NRG1: variants seen among roughly 807,000 people sequenced by gnomAD.
The protein encoded by NRG1 is pro-neuregulin-1, membrane-bound isoform.
Under a neutral mutation model 63.8 loss-of-function variants are expected in NRG1, and 18 were observed. The ratio of observed to expected loss-of-function variants is 0.28; its 90% CI spans 0.19 to 0.42. NRG1 has a LOEUF of 0.42. Ranked by LOEUF, NRG1 falls within the 10% of genes least tolerant of loss-of-function variation. The pLI is 1.00. For synonymous variants in NRG1, 302 were observed against 301.3 expected, an observed-to-expected ratio of 1.00 and a Z score of -0.02; for missense variants, 762 against 814.7, an observed-to-expected ratio of 0.94 and a Z score of 0.79.
chr8:32,156,742 G>T (rs533637088), intron 1 of NRG1, among the ~76,000 whole-genome samples: 188 of 152,260 alleles, frequency 1.2e-3, no homozygotes, highest in African/African-American at 4.5e-3. Context: ...GCCCAGGAGT[G>T]CCTGGCTAAC....
intron 1 of NRG1, among the ~76,000 whole-genome samples, chr8:32,277,129 C>T (rs1247304744): frequency 6.6e-6 from 1 of 152,202 alleles, no homozygotes; most frequent in Non-Finnish European, 1.5e-5. Flanking sequence ...GAAGTCATTG[C>T]CTCCTGCCAT....
chr8:32,020,984 T>C (rs1816341881), intron 1 of NRG1, among the ~76,000 whole-genome samples: 1 of 152,246 alleles, frequency 6.6e-6, no homozygotes, highest in South Asian at 2.1e-4. Context: ...ACTAGCATAA[T>C]GCCTTGTCTC....
intron 1 of NRG1, among the ~76,000 whole-genome samples, chr8:31,704,830 T>TA (rs373101607): frequency 6.1e-4 from 72 of 118,794 alleles, no homozygotes; most frequent in Admixed American, 1.0e-3. Context: ...AGACTCCGTC[T>TA]AAAAAAAAAA....
chr8:31,883,929 C>T (rs1365254798), intron 1 of NRG1, among the ~76,000 whole-genome samples: 2 of 152,038 alleles, frequency 1.3e-5, no homozygotes, highest in East Asian at 3.9e-4. Context: ...AATATTCTCC[C>T]ACAGGCATAT....
intron 5 of NRG1, among the ~76,000 whole-genome samples, chr8:32,707,760 A>T (rs1816793163): frequency 6.6e-6 from 1 of 151,966 alleles, no homozygotes; most frequent in Admixed American, 6.6e-5. Flanking sequence ...ACTTAAAAAA[A>T]TTAAATTACT....
At chr8:32,184,139 T>G (rs1238065844) in intron 1 of NRG1, among the ~76,000 whole-genome samples, 4 of 152,014 alleles carry the variant, frequency 2.6e-5, no homozygotes, top group Admixed American at 6.6e-5. Context: ...ATGATATATA[T>G]AGATATATAG....
chr8:32,685,216 G>C (rs935130673), intron 5 of NRG1, among the ~76,000 whole-genome samples: 1 of 152,106 alleles, frequency 6.6e-6, no homozygotes, highest in African/African-American at 2.4e-5. Flanking sequence ...GGATTTATAG[G>C]AAAAATGATT....
At chr8:32,722,140 AT>A in intron 5 of NRG1, 1 of 1,010,364 alleles carries the variant, frequency 9.9e-7, no homozygotes, top group Non-Finnish European at 1.4e-6. Context: ...GCGTAGAGTT[AT>A]TTGGTTTAAT....
intron 1 of NRG1, among the ~76,000 whole-genome samples, chr8:31,893,262 C>G (rs564195744): frequency 1.3e-5 from 2 of 151,028 alleles, no homozygotes; most frequent in Non-Finnish European, 3.0e-5. Flanking sequence ...AAACAATAAA[C>G]TTAGACCATT....
intron 1 of NRG1, among the ~76,000 whole-genome samples, chr8:31,847,456 C>T (rs1350224433): frequency 6.6e-6 from 1 of 152,202 alleles, no homozygotes; most frequent in East Asian, 1.9e-4. Flanking sequence ...CTTCTGCCCT[C>T]ATGAAGCTTA....
chr8:32,454,943 T>G (rs1196632716), intron 1 of NRG1, among the ~76,000 whole-genome samples: 1 of 152,222 alleles, frequency 6.6e-6, no homozygotes, highest in Admixed American at 6.5e-5. Context: ...TAAGTTTAGA[T>G]GTATAAATAC....
At position 31,921,066 on chromosome 8, in the gene NRG1, G is replaced by C. The variant is rs369873787; in HGVS notation, c.37+281635G>C. ...AGGTTAATTTTTAGATAGTTACTAAGAAATCAAACTGTGTGGAATTTTCTG... is the reference window on the plus strand; with the variant it reads ...AGGTTAATTTTTAGATAGTTACTAACAAATCAAACTGTGTGGAATTTTCTG... On this transcript the variant is annotated intron_variant, in intron 1 of 10. Coordinates refer to the NRG1 transcript ENST00000519301. Among the ~76,000 whole-genome samples the C allele has an allele frequency of 3.3e-5, 5 of 152,192 alleles. No homozygotes were observed. In the South Asian group the frequency reaches 6.2e-4, roughly 19 times the overall value.
At chr8:32,510,955 CTTTTT>C (rs60629097) in intron 1 of NRG1, among the ~76,000 whole-genome samples, 1 of 125,614 alleles carries the variant, frequency 8.0e-6, no homozygotes, top group African/African-American at 3.0e-5. Flanking sequence ...TCTTTCTTTC[CTTTTT>C]TTTTTTTTTT....
chr8:32,449,270 C>T lies in NRG1; in HGVS notation c.38-146558C>T, dbSNP rs143917811. On this transcript the variant is annotated intron_variant, in intron 1 of 10. Coordinates refer to the NRG1 transcript ENST00000519301. Reference sequence around the variant, plus strand: ...TGTGAGTGCACCACCATACTCTAGCCTGGGCAACAGAGCAAGACCTTGTCT... The same window carrying T: ...TGTGAGTGCACCACCATACTCTAGCTTGGGCAACAGAGCAAGACCTTGTCT... Among the ~76,000 whole-genome samples, 533 of 152,032 alleles carry T rather than the reference C, an allele frequency of 3.5e-3. 2 individuals are homozygous for T. Among genetic ancestry groups the T allele is most frequent in the African/African-American group, 0.012 (509 of 41,488 alleles).
At position 32,567,031 on chromosome 8, in the gene NRG1, CG is replaced by C. The variant is rs1837578714; in HGVS notation, c.100+18209del. Among the ~76,000 whole-genome samples, 6 of 152,156 alleles carry C rather than the reference CG, an allele frequency of 3.9e-5. No homozygotes were observed. The South Asian group carries it at 1.2e-3, about 32-fold the overall frequency. On this transcript the variant is annotated intron_variant, in intron 1 of 11. Transcript: ENST00000356819. ...CTAATTTTTGTATTTTTCGTAGAGA[CG>C]GGGTTTCACCATATTGGCCAGGCTG...
At position 32,330,715 on chromosome 8, in the gene NRG1, G is replaced by A. The variant is rs186818693; in HGVS notation, c.38-265113G>A. 3.3e-3 allele frequency among the ~76,000 whole-genome samples: 496 copies of A among 152,288 alleles called. 6 individuals are homozygous for A. The highest frequency in any genetic ancestry group is 0.011 in the African/African-American group (476 of 41,564). On this transcript the variant is annotated intron_variant, in intron 1 of 10. Transcript: ENST00000519301. ...TAGGAAGCTAGTGAGCTATGAGTTG[G>A]CATCAGGCAACATTTCCAGCAATTT...
chr8:32,742,875 G>T lies in NRG1; in HGVS notation c.691+142G>T. The T allele has an allele frequency of 2.6e-6, 4 of 1,558,546 alleles. No homozygotes were observed. Among genetic ancestry groups the T allele is most frequent in the Middle Eastern group, 1.7e-4 (1 of 5,782 alleles). ...CTAATATTGACTGCCTCTGCCTGTC[G>T]CATGAGAACATTAACAAAAGCAATT... On this transcript the variant is annotated intron_variant, in intron 7 of 11. Transcript: ENST00000356819. The surrounding 1 kb of genome is among the most constrained non-coding windows in gnomAD (Gnocchi z 4.2).
intron 1 of NRG1, among the ~76,000 whole-genome samples, chr8:32,347,846 T>A (rs1003020065): frequency 2.0e-5 from 3 of 152,182 alleles, no homozygotes; most frequent in African/African-American, 7.2e-5. Context: ...GACTACAAAC[T>A]TGTTTTTAAA....
intron 1 of NRG1, among the ~76,000 whole-genome samples, chr8:32,345,317 A>C (rs1453664701): frequency 6.6e-6 from 1 of 152,026 alleles, no homozygotes; most frequent in Non-Finnish European, 1.5e-5. Flanking sequence ...TGTTGTCTGG[A>C]AGCTAACTAT....
Sources: allele counts gnomAD v4.1 joint callset (sites outside exome capture counted in the v4.1 genomes callset), GRCh38; gene constraint gnomAD v4.1.1; non-coding constraint Gnocchi (gnomAD v3.1); transcripts MANE v1.5; gene names NCBI Gene and HGNC (gene_info 2026-07-23, HGNC 2026-07-21).